The following NWD2 variants were observed in gnomAD, a reference collection of about 807,000 sequenced individuals.
The protein encoded by NWD2 is NACHT and WD repeat domain-containing protein 2.
Under a neutral mutation model 132.7 loss-of-function variants are expected in NWD2, and 37 were observed. The observed-to-expected ratio is 0.28, with a 90% CI of 0.21 to 0.37. The LOEUF is 0.37. Among genes scored for constraint, NWD2 ranks in the 10% least tolerant of loss-of-function variants. The pLI is 1.00. For synonymous variants in NWD2, 705 were observed against 803.0 expected, an observed-to-expected ratio of 0.88 and a Z score of 2.06; for missense variants, 1,592 against 2,122.4, an observed-to-expected ratio of 0.75 and a Z score of 4.91.
chr4:37,355,498 C>T (rs919653656), intron 2 of NWD2, among the ~76,000 whole-genome samples: 1 of 152,094 alleles, frequency 6.6e-6, no homozygotes, highest in Non-Finnish European at 1.5e-5. Flanking sequence ...TCCATCTCAC[C>T]AAATGCCGTG....
At chr4:37,373,258 G>C (rs1377131231) in intron 3 of NWD2, among the ~76,000 whole-genome samples, 1 of 152,168 alleles carries the variant, frequency 6.6e-6, no homozygotes. Context: ...GAGGTTCATG[G>C]TCATAACTAC....
chr4:37,346,579 T>C (rs11727590), intron 2 of NWD2, among the ~76,000 whole-genome samples: 14,586 of 152,240 alleles, frequency 0.096, 792 homozygotes, highest in Admixed American at 0.12. Context: ...AGTGATTGGA[T>C]TGAATCTGTA....
At chr4:37,376,029 A>G (rs1720343372) in intron 3 of NWD2, among the ~76,000 whole-genome samples, 1 of 152,202 alleles carries the variant, frequency 6.6e-6, no homozygotes, top group African/African-American at 2.4e-5. Flanking sequence ...GTATTTAAAC[A>G]TTCCCTTTTT....
intron 1 of NWD2, among the ~76,000 whole-genome samples, chr4:37,250,159 T>C (rs1477347655): frequency 2.0e-5 from 3 of 148,998 alleles, no homozygotes; most frequent in East Asian, 2.0e-4. Context: ...TGTGTGTGTA[T>C]ACACACACAC....
chr4:37,333,226 C>G (rs532288327), intron 2 of NWD2, among the ~76,000 whole-genome samples: 37 of 152,268 alleles, frequency 2.4e-4, no homozygotes, highest in African/African-American at 7.9e-4. Flanking sequence ...CTGTAAAGCC[C>G]TTGGTCCTTG....
intron 1 of NWD2, among the ~76,000 whole-genome samples, chr4:37,304,973 A>G (rs1656226): frequency 0.073 from 11,102 of 152,006 alleles, 1,251 homozygotes; most frequent in African/African-American, 0.24. Flanking sequence ...TGAGGGCCCC[A>G]CTCCTGCAGC....
In NWD2 at chr4:37,448,244, T is replaced by C. The variant is rs1712692086; in HGVS notation, c.*1027T>C. 1 of 152,236 alleles carries C rather than the reference T, an allele frequency of 6.6e-6. No individual in the cohort carries two copies. The highest frequency in any genetic ancestry group is 1.5e-5 in the Non-Finnish European group (1 of 68,034). The allele number at this position is 152,236 out of a possible 1,614,324, so 9.4% of individuals were successfully genotyped here. On this transcript the variant is annotated 3_prime_UTR_variant, in exon 7 of 7. Transcript: ENST00000309447. ...CTTTCCTGTGTAAAATGCAGATAGA[T>C]GACCAAATACTCTGGGATAAACTGA...
At chr4:37,292,536 A>T (rs1015205482) in intron 1 of NWD2, among the ~76,000 whole-genome samples, 22 of 152,098 alleles carry the variant, frequency 1.4e-4, no homozygotes, top group Admixed American at 6.5e-5. Flanking sequence ...CCACCATAAG[A>T]TATTGTGTTA....
intron 1 of NWD2, among the ~76,000 whole-genome samples, chr4:37,315,908 CTT>C: frequency 6.6e-6 from 1 of 152,078 alleles, no homozygotes; most frequent in East Asian, 1.9e-4. Flanking sequence ...TGAATACTAA[CTT>C]AATTTTGTTA....
At chr4:37,365,122 T>G (rs922020004) in intron 3 of NWD2, among the ~76,000 whole-genome samples, 1 of 152,216 alleles carries the variant, frequency 6.6e-6, no homozygotes, top group Non-Finnish European at 1.5e-5. Flanking sequence ...TTTAGTTTCT[T>G]TAAATAATTT....
chr4:37,254,614 T>G (rs975656141), intron 1 of NWD2, among the ~76,000 whole-genome samples: 3 of 152,224 alleles, frequency 2.0e-5, no homozygotes, highest in African/African-American at 7.2e-5. Context: ...GCATCACTTC[T>G]TCAAAGCTTT....
intron 2 of NWD2, among the ~76,000 whole-genome samples, chr4:37,337,484 C>T (rs904757299): frequency 1.3e-5 from 2 of 152,102 alleles, no homozygotes; most frequent in Non-Finnish European, 1.5e-5. Context: ...AGATCTTGCC[C>T]GCAACTACTT....
At chr4:37,422,299 T>G (rs564558564) in intron 3 of NWD2, among the ~76,000 whole-genome samples, 6 of 152,324 alleles carry the variant, frequency 3.9e-5, no homozygotes, top group African/African-American at 1.2e-4. Context: ...GTACTGCCTG[T>G]TCTCTATAAA....
intron 2 of NWD2, among the ~76,000 whole-genome samples, chr4:37,336,717 G>A (rs1430357012): frequency 1.3e-5 from 2 of 152,134 alleles, no homozygotes; most frequent in Admixed American, 6.5e-5. Flanking sequence ...GAGGCGGGTG[G>A]ATCACGAGGT....
chr4:37,416,577 A>G (rs1262540621), intron 3 of NWD2, among the ~76,000 whole-genome samples: 1 of 152,174 alleles, frequency 6.6e-6, no homozygotes, highest in Non-Finnish European at 1.5e-5. Flanking sequence ...TAGATCCACC[A>G]TTTGATCCAG....
intron 1 of NWD2, among the ~76,000 whole-genome samples, chr4:37,246,424 G>C (rs1175519803): frequency 6.6e-6 from 1 of 152,156 alleles, no homozygotes; most frequent in African/African-American, 2.4e-5. Flanking sequence ...GCACTAATTA[G>C]TATTAGAAAG....
At chr4:37,396,558 C>A (rs556809901) in intron 3 of NWD2, among the ~76,000 whole-genome samples, 1 of 152,304 alleles carries the variant, frequency 6.6e-6, no homozygotes, top group East Asian at 1.9e-4. Context: ...GGAGCCACAT[C>A]TCAGGTTCTC....
chr4:37,257,407 A>G (rs886689414), intron 1 of NWD2, among the ~76,000 whole-genome samples: 15 of 152,256 alleles, frequency 9.9e-5, no homozygotes, highest in African/African-American at 3.1e-4. Context: ...AGATTTTCCC[A>G]GACTTGGGTA....
At chr4:37,289,448 C>T (rs1180457989) in intron 1 of NWD2, among the ~76,000 whole-genome samples, 1 of 152,150 alleles carries the variant, frequency 6.6e-6, no homozygotes. Context: ...ACAGTAAACA[C>T]TTATATACTT....
Sources: gnomAD v4.1 joint callset for allele counts (sites outside exome capture counted in the v4.1 genomes callset) on GRCh38, gnomAD v4.1.1 for gene constraint, MANE v1.5 for transcripts, NCBI Gene and HGNC (gene_info 2026-07-23, HGNC 2026-07-21) for gene names.